Variants in RUNX2 observed in about 807,000 individuals in gnomAD.
RUNX2 encodes the protein RUNX family transcription factor 2.
RUNX2 carries 10 observed loss-of-function variants against 51.7 expected under a neutral mutation model. That is an observed-to-expected ratio of 0.19 (90% CI 0.12 to 0.33). The LOEUF is 0.33. Among genes scored for constraint, RUNX2 ranks in the 10% least tolerant of loss-of-function variants. The pLI is 1.00. For missense variants in RUNX2, 562 were observed against 691.3 expected (o/e 0.81, Z 2.10); for synonymous variants, 276 against 273.6 (o/e 1.01, Z -0.09).
chr6:45,482,028 T>C (rs1582157875), intron 5 of RUNX2, among the ~76,000 whole-genome samples: 1 of 152,144 alleles, frequency 6.6e-6, no homozygotes, highest in African/African-American at 2.4e-5. Flanking sequence ...AATGAGAAAA[T>C]ACCAGTAGAG....
Position 45,550,624 on chromosome 6 carries a change from A to T in RUNX2, c.*3319A>T, listed in dbSNP as rs1328466887. 1 of 152,620 alleles carries T rather than the reference A, an allele frequency of 6.6e-6. No homozygotes were observed. Among genetic ancestry groups the T allele is most frequent in the Admixed American group, 6.5e-5 (1 of 15,284 alleles). 9.5% of individuals were successfully genotyped at this position (152,620 alleles called of 1,614,324 possible). A position where few individuals can be genotyped will look rare whatever the true frequency, so the allele number is the denominator to read the frequency against. On this transcript the variant is annotated 3_prime_UTR_variant, in exon 9 of 9. Coordinates refer to ENST00000647337, the MANE Select transcript of RUNX2 (RefSeq NM_001024630.4). ...TTAGAAAACGAATGCATTTAAAAAT[A>T]TTTTCTATGTGAGAATTTTTTAGAT...
intron 2 of RUNX2, among the ~76,000 whole-genome samples, chr6:45,404,281 GAAAAAAGAAAA>G (rs1797785677): frequency 2.6e-5 from 2 of 76,270 alleles, no homozygotes; most frequent in Admixed American, 1.4e-4. Context: ...AAAAGAAAAA[GAAAAAAGAAAA>G]AAAAAAGGAA....
chr6:45,382,877 A>G (rs1490587769), intron 2 of RUNX2, among the ~76,000 whole-genome samples: 3 of 152,172 alleles, frequency 2.0e-5, no homozygotes, highest in Non-Finnish European at 2.9e-5. Flanking sequence ...GGCTTAAGAC[A>G]TGGTTGGGTT....
chr6:45,339,308 A>T (rs1458604866), intron 2 of RUNX2, among the ~76,000 whole-genome samples: 1 of 152,166 alleles, frequency 6.6e-6, no homozygotes, highest in Non-Finnish European at 1.5e-5. Flanking sequence ...GTGGAGAGAA[A>T]GCCTTCAGAA....
intron 7 of RUNX2, among the ~76,000 whole-genome samples, chr6:45,530,758 C>G (rs569422805): frequency 1.3e-3 from 201 of 152,318 alleles, no homozygotes; most frequent in African/African-American, 4.6e-3. Flanking sequence ...AGGAGCAGGA[C>G]TATTGGGTCC....
chr6:45,451,458 A>G (rs1349653024), intron 5 of RUNX2, among the ~76,000 whole-genome samples: 1 of 152,248 alleles, frequency 6.6e-6, no homozygotes, highest in Non-Finnish European at 1.5e-5. Context: ...GTTTCAAAAC[A>G]TAAGAGCAAC....
In RUNX2 at chr6:45,328,715, AAAG is replaced by A. The variant is rs139788537; in HGVS notation, c.-11_-9del. 4.2e-3 allele frequency: 6,691 copies of A among 1,612,112 alleles called. 36 individuals are homozygous for A. The highest frequency in any genetic ancestry group is 4.1e-3 in the Non-Finnish European group (4,854 of 1,178,650). ...AGGGTACAAGTTCTATCTGAAAAAA[AAAG>A]GAGGGACTATGGCATCAAACAGCCT... On this transcript the variant is annotated 5_prime_UTR_variant, in exon 2 of 9. Transcript: ENST00000647337.
chr6:45,401,075 G>A (rs1465097315), intron 2 of RUNX2, among the ~76,000 whole-genome samples: 1 of 152,128 alleles, frequency 6.6e-6, no homozygotes, highest in Non-Finnish European at 1.5e-5. Context: ...AAGATATTGA[G>A]AAAAACAAAC....
chr6:45,437,922 A>T, intron 4 of RUNX2, 25 bp from the exon 5 acceptor site: 1 of 1,504,806 alleles, frequency 6.6e-7, no homozygotes, highest in Non-Finnish European at 9.3e-7. Flanking sequence ...TATTCACTGT[A>T]TATTTTCCCC....
At chr6:45,346,375 C>T (rs1397628169) in intron 2 of RUNX2, among the ~76,000 whole-genome samples, 1 of 151,962 alleles carries the variant, frequency 6.6e-6, no homozygotes, top group Non-Finnish European at 1.5e-5. Flanking sequence ...GAGAGGGTAG[C>T]TAGAACCTCG....
At chr6:45,444,453 A>G (rs1213562877) in intron 5 of RUNX2, among the ~76,000 whole-genome samples, 1 of 152,168 alleles carries the variant, frequency 6.6e-6, no homozygotes, top group Non-Finnish European at 1.5e-5. Context: ...CTCAGAGTAC[A>G]TGGCTGCAAC....
Position 45,547,105 on chromosome 6 carries a change from T to C in RUNX2, c.1366T>C (p.Phe456Leu), listed in dbSNP as rs1306807681. The C allele has an allele frequency of 3.1e-6, 5 of 1,613,988 alleles. No homozygotes were observed. The African/African-American group carries it at 5.3e-5, about 17-fold the overall frequency. Reference sequence around the variant, plus strand: ...TGGCACTTCGTCAGGATCCTATCAGTTTCCCATGGTGCCGGGGGGAGACCG... The same window carrying C: ...TGGCACTTCGTCAGGATCCTATCAGCTTCCCATGGTGCCGGGGGGAGACCG... ...YYGTSSGSYQ[F>L]PMVPGGDRSP... The change falls in exon 9 of 9, where the codon TTT becomes CTT. Residue 456 changes from phenylalanine (F) to leucine (L), a missense_variant. This residue lies in a region of RUNX2 where 304 missense variants were observed against 353.2 expected (regional missense o/e 0.86). Transcript: ENST00000647337.
rs548396702 is a variant in RUNX2, at chr6:45,362,317, C to G, written c.58+33533C>G. On this transcript the variant is annotated intron_variant, in intron 2 of 8. Coordinates refer to ENST00000647337, the MANE Select transcript of RUNX2 (RefSeq NM_001024630.4). ...CCAGGGAGCCAAAAGAACAACAACTCATTAATAGTGAATGGATTGGGGAAG... is the reference window on the plus strand; with the variant it reads ...CCAGGGAGCCAAAAGAACAACAACTGATTAATAGTGAATGGATTGGGGAAG... 1.2e-3 allele frequency among the ~76,000 whole-genome samples: 189 copies of G among 152,218 alleles called. 2 individuals are homozygous for G. Among genetic ancestry groups the G allele is most frequent in the Non-Finnish European group, 3.7e-4 (25 of 68,016 alleles).
chr6:45,404,589 A>T (rs1797793837), intron 2 of RUNX2, among the ~76,000 whole-genome samples: 1 of 152,230 alleles, frequency 6.6e-6, no homozygotes, highest in African/African-American at 2.4e-5. Context: ...TAAAATATCT[A>T]TGCAATTGAA....
chr6:45,522,061 A>G (rs775486525), intron 7 of RUNX2, among the ~76,000 whole-genome samples: 1 of 152,232 alleles, frequency 6.6e-6, no homozygotes, highest in Non-Finnish European at 1.5e-5. Context: ...AGAACATTTT[A>G]GATTTTAATA....
intron 7 of RUNX2, among the ~76,000 whole-genome samples, chr6:45,525,202 C>G (rs760320025): frequency 1.3e-5 from 2 of 152,184 alleles, no homozygotes; most frequent in Non-Finnish European, 2.9e-5. Flanking sequence ...AAGTTGTTCT[C>G]TAACCTTAGA....
intron 2 of RUNX2, among the ~76,000 whole-genome samples, chr6:45,363,665 T>C (rs1200889345): frequency 6.6e-6 from 1 of 151,918 alleles, no homozygotes; most frequent in Non-Finnish European, 1.5e-5. Flanking sequence ...CACTAAACTA[T>C]AATGAAAAAA....
rs2150421317 is a variant in RUNX2 at position 45,512,321 on chromosome 6, C to T, written c.935C>T (p.Ser312Phe). 1 of 1,614,152 alleles carries T rather than the reference C, an allele frequency of 6.2e-7. No individual in the cohort carries two copies. Among genetic ancestry groups the T allele is most frequent in the Non-Finnish European group, 8.5e-7 (1 of 1,180,018 alleles). ...CCCTCCTACCTGAGCCAGATGACGTCCCCGTCCATCCACTCTACCACCCCG... is the reference window on the plus strand; with the variant it reads ...CCCTCCTACCTGAGCCAGATGACGTTCCCGTCCATCCACTCTACCACCCCG... ...SYPSYLSQMT[S>F]PSIHSTTPLS... The change falls in exon 7 of 9, where the codon TCC becomes TTC. Residue 312 changes from serine to phenylalanine, a missense_variant. Ser to Phe is a radical substitution (Grantham distance 155). Transcript: ENST00000647337.
In RUNX2 at chr6:45,328,764, G is replaced by C; in HGVS notation, c.38G>C (p.Cys13Ser). ...AGCCTCTTCAGCACAGTGACACCAT[G>C]TCAGCAAAACTTCTTTTGGGGTAAG... The part of the protein sequence containing the change: ...SNSLFSTVTP[C>S]QQNFFWDPST... The change falls in exon 2 of 9, where the codon TGT (cysteine) becomes TCT (serine). Residue 13 changes from cysteine (C) to serine (S), a missense_variant. Around this residue, in one of 5 missense-constraint regions of RUNX2, gnomAD observed 153 missense variants for 144.8 expected, o/e 1.06. Coordinates refer to ENST00000647337, the MANE Select transcript of RUNX2 (RefSeq NM_001024630.4). 6.2e-7 allele frequency: 1 copy of C among 1,612,116 alleles called. No homozygotes were observed. Among genetic ancestry groups the C allele is most frequent in the Non-Finnish European group, 8.5e-7 (1 of 1,178,686 alleles).
Sources: allele counts gnomAD v4.1 joint callset (sites outside exome capture counted in the v4.1 genomes callset), GRCh38; gene constraint gnomAD v4.1.1; regional missense constraint gnomAD v4.1.1; transcripts MANE v1.5; gene names NCBI Gene and HGNC (gene_info 2026-07-23, HGNC 2026-07-21).